MSRA: variants seen among roughly 807,000 people sequenced by gnomAD.
MSRA encodes methionine sulfoxide reductase A, also known as mitochondrial peptide methionine sulfoxide reductase.
A neutral mutation model predicts 31.3 loss-of-function variants in MSRA; 54 were observed. The observed-to-expected ratio is 1.73, with a 90% CI of 1.39 to 2.17. MSRA has a LOEUF of 2.17. MSRA is among the 30% of genes most tolerant of loss of function. MSRA has a pLI of 0.00. For synonymous variants in MSRA, 169 were observed against 116.5 expected (o/e 1.45, Z -2.90); for missense variants, 507 against 300.9 (o/e 1.69, Z -5.07).
chr8:10,192,655 ATTC>A (rs903979454), intron 1 of MSRA, among the ~76,000 whole-genome samples: 9 of 152,336 alleles, frequency 5.9e-5, no homozygotes, highest in Admixed American at 3.3e-4. Context: ...TGGGAAATGT[ATTC>A]TTTTCCCCTA....
rs540027480 is a variant in MSRA at position 10,071,463 on chromosome 8, T to C, written c.142+16805T>C. Among the ~76,000 whole-genome samples, 193 of 151,048 alleles carry C rather than the reference T, an allele frequency of 1.3e-3. 1 individual carries two copies. The South Asian group carries it at 0.031, about 24-fold the overall frequency. The stretch of plus-strand genomic sequence containing the variant: ...GTAGCTTGCCTTTTAATTTTCTTTT[T>C]TTTTTTTTTTTCTTAAGACTTGTAC... On this transcript the variant is annotated intron_variant, in intron 1 of 5. Transcript: ENST00000317173.
intron 1 of MSRA, among the ~76,000 whole-genome samples, chr8:10,184,731 T>C (rs1806867982): frequency 6.6e-6 from 1 of 152,162 alleles, no homozygotes; most frequent in African/African-American, 2.4e-5. Flanking sequence ...GACCTAAATT[T>C]GGTGGATGAA....
intron 1 of MSRA, among the ~76,000 whole-genome samples, chr8:10,099,587 C>T (rs560390836): frequency 1.3e-5 from 2 of 152,158 alleles, no homozygotes; most frequent in Non-Finnish European, 2.9e-5. Context: ...GAGTGGCGAA[C>T]CAGAGTATTA....
chr8:10,364,127 C>T (rs942209174), intron 5 of MSRA, among the ~76,000 whole-genome samples: 18 of 152,068 alleles, frequency 1.2e-4, no homozygotes, highest in African/African-American at 4.1e-4. Flanking sequence ...TCCAGATGAG[C>T]AATTATGCTA....
chr8:10,272,182 C>T (rs538993789), intron 3 of MSRA, among the ~76,000 whole-genome samples: 3 of 152,094 alleles, frequency 2.0e-5, no homozygotes, highest in Admixed American at 6.6e-5. Context: ...TTATATTAGT[C>T]AATATTCTCC....
At chr8:10,291,903 C>T (rs1216372394) in intron 3 of MSRA, among the ~76,000 whole-genome samples, 1 of 152,180 alleles carries the variant, frequency 6.6e-6, no homozygotes, top group Non-Finnish European at 1.5e-5. Flanking sequence ...GACTCGGACT[C>T]TAGGCAGTTC....
chr8:10,332,416 A>G (rs1355468651), intron 5 of MSRA, among the ~76,000 whole-genome samples: 1 of 152,038 alleles, frequency 6.6e-6, no homozygotes, highest in Non-Finnish European at 1.5e-5. Flanking sequence ...AAAACCCTGA[A>G]TAATTCATTG....
At chr8:10,059,721 A>G (rs926046710) in intron 1 of MSRA, among the ~76,000 whole-genome samples, 1 of 152,238 alleles carries the variant, frequency 6.6e-6, no homozygotes, top group South Asian at 2.1e-4. Context: ...ACGATGGTAA[A>G]TAGTTGCAAT....
intron 5 of MSRA, among the ~76,000 whole-genome samples, chr8:10,341,115 A>G (rs1803400412): frequency 6.6e-6 from 1 of 152,208 alleles, no homozygotes. Context: ...TGGGGCCAGG[A>G]AATATGAAAT....
chr8:10,265,644 G>T (rs1798707194), intron 3 of MSRA, among the ~76,000 whole-genome samples: 2 of 152,148 alleles, frequency 1.3e-5, no homozygotes, highest in Non-Finnish European at 2.9e-5. Context: ...ATTTTAAAGT[G>T]AACAGTATAC....
At chr8:10,170,103 C>G (rs1296821377) in intron 1 of MSRA, among the ~76,000 whole-genome samples, 2 of 128,580 alleles carry the variant, frequency 1.6e-5, no homozygotes, top group African/African-American at 6.0e-5. Flanking sequence ...GTCAGGTAGT[C>G]TTGAACTCCT....
intron 3 of MSRA, among the ~76,000 whole-genome samples, chr8:10,276,165 A>G (rs1238192461): frequency 6.6e-6 from 1 of 152,204 alleles, no homozygotes; most frequent in African/African-American, 2.4e-5. Flanking sequence ...CTGTTTCTTT[A>G]TAGACAAGTT....
intron 5 of MSRA, among the ~76,000 whole-genome samples, chr8:10,334,328 G>A (rs1006166508): frequency 6.6e-6 from 1 of 152,084 alleles, no homozygotes; most frequent in Non-Finnish European, 1.5e-5. Context: ...CTACTTTAAA[G>A]ACAACAAAAG....
chr8:10,098,061 C>A (rs533622364), intron 1 of MSRA, among the ~76,000 whole-genome samples: 2 of 151,934 alleles, frequency 1.3e-5, no homozygotes, highest in Admixed American at 1.3e-4. Context: ...TAAGAAGTTG[C>A]GTTGATTACA....
At chr8:10,135,759 G>C (rs1000670517) in intron 1 of MSRA, among the ~76,000 whole-genome samples, 3 of 152,190 alleles carry the variant, frequency 2.0e-5, no homozygotes, top group Non-Finnish European at 4.4e-5. Flanking sequence ...AAGTGGTTCA[G>C]CCCAGCACAT....
At chr8:10,145,842 G>A (rs553203929) in intron 1 of MSRA, among the ~76,000 whole-genome samples, 1 of 152,124 alleles carries the variant, frequency 6.6e-6, no homozygotes, top group Non-Finnish European at 1.5e-5. Flanking sequence ...GTGTGTGTGT[G>A]TAATGATTTT....
chr8:10,173,924 C>T (rs1805819144), intron 1 of MSRA, among the ~76,000 whole-genome samples: 3 of 152,154 alleles, frequency 2.0e-5, no homozygotes, highest in Non-Finnish European at 4.4e-5. Flanking sequence ...ATGGTCCCAG[C>T]GTGCTGTGGG....
chr8:10,208,052 G>C lies in MSRA; in HGVS notation c.211+151G>C, dbSNP rs1037020037. On this transcript the variant is annotated intron_variant, in intron 2 of 5. Transcript: ENST00000317173. ...AGCCAAGAAAACTATTGAGTTCCTA[G>C]TAATTTCTGGGGTTGGAAAAGCTTA... The C allele has an allele frequency of 8.6e-6, 5 of 579,638 alleles. No individual in the cohort carries two copies. In the African/African-American group the frequency reaches 9.4e-5, roughly 11 times the overall value. 35.9% of individuals were successfully genotyped at this position (579,638 alleles called of 1,614,324 possible).
At chr8:10,327,370 C>T (rs1239446130) in intron 5 of MSRA, among the ~76,000 whole-genome samples, 2 of 152,074 alleles carry the variant, frequency 1.3e-5, no homozygotes, top group Non-Finnish European at 2.9e-5. Flanking sequence ...CTCATCTCTG[C>T]GTTTGTTTAT....
Sources: gnomAD v4.1 joint callset for allele counts (sites outside exome capture counted in the v4.1 genomes callset) on GRCh38, gnomAD v4.1.1 for gene constraint, MANE v1.5 for transcripts, NCBI Gene and HGNC (gene_info 2026-07-23, HGNC 2026-07-21) for gene names.